The following DMGDH variants were observed in gnomAD, a reference collection of about 807,000 sequenced individuals.
The protein encoded by DMGDH is dimethylglycine dehydrogenase, also known as dimethylglycine dehydrogenase, mitochondrial.
DMGDH carries 76 observed loss-of-function variants against 95.2 expected under a neutral mutation model. The ratio of observed to expected loss-of-function variants is 0.80; its 90% CI spans 0.66 to 0.97. DMGDH has a LOEUF of 0.97. Ranked by LOEUF, DMGDH falls within the 50% of genes least tolerant of loss-of-function variation. The probability of loss-of-function intolerance (pLI) is 0.00; values close to 1 mark genes in which losing one functional copy is unlikely to be tolerated. For synonymous variants in DMGDH, 345 were observed against 377.6 expected, an observed-to-expected ratio of 0.91 and a Z score of 1.00; for missense variants, 987 against 1,055.0, an observed-to-expected ratio of 0.94 and a Z score of 0.89.
chr5:79,027,344 G>C (rs1160254672), intron 12 of DMGDH, among the ~76,000 whole-genome samples: 5 of 152,018 alleles, frequency 3.3e-5, no homozygotes, highest in African/African-American at 4.8e-5. Flanking sequence ...TTTTATTCTA[G>C]AATTTGCCAA....
chr5:79,009,501 A>G (rs1487330456), intron 14 of DMGDH, among the ~76,000 whole-genome samples: 1 of 151,984 alleles, frequency 6.6e-6, no homozygotes, highest in Non-Finnish European at 1.5e-5. Context: ...AGCTGGGACC[A>G]GGCACACACC....
At chr5:79,035,252 C>G (rs1231076128) in intron 7 of DMGDH, among the ~76,000 whole-genome samples, 2 of 152,032 alleles carry the variant, frequency 1.3e-5, no homozygotes, top group Non-Finnish European at 2.9e-5. Context: ...CTTAACCAGG[C>G]CCAATGCCCA....
intron 7 of DMGDH, among the ~76,000 whole-genome samples, chr5:79,036,576 A>G (rs1341953537): frequency 1.3e-5 from 2 of 152,216 alleles, no homozygotes; most frequent in East Asian, 3.8e-4. Context: ...GACAAAACAA[A>G]TGTCCAAAGT....
intron 14 of DMGDH, among the ~76,000 whole-genome samples, chr5:79,010,389 G>C (rs1753629401): frequency 6.6e-6 from 1 of 152,188 alleles, no homozygotes; most frequent in Admixed American, 6.5e-5. Flanking sequence ...TAGAGATTAT[G>C]AAAATACAGT....
intron 11 of DMGDH, 132 bp downstream of exon 11, chr5:79,029,772 A>T: frequency 2.0e-6 from 2 of 979,256 alleles, no homozygotes; most frequent in South Asian, 3.5e-5. Flanking sequence ...AAAAAAATAA[A>T]GTTTATTTGA....
rs200584827 is a variant in DMGDH, at chr5:78,998,250, C to A, written c.2433G>T (p.Lys811Asn). 4 of 1,614,178 alleles carry A rather than the reference C, an allele frequency of 2.5e-6. No homozygotes were observed. The East Asian group carries it at 6.7e-5, about 27-fold the overall frequency. Residue 811 changes from lysine (K) to asparagine (N), a missense_variant, in exon 16 of 16, where the codon AAG (lysine) becomes AAT (asparagine). By Grantham distance (94) the Lys-to-Asn change is moderately conservative. Coordinates refer to ENST00000255189, the MANE Select transcript of DMGDH (RefSeq NM_013391.3). ...TSGSYSYSIQ[K>N]SLAFAYVPVQ... Reference sequence around the variant, plus strand: ...CAGGGACATATGCGAAAGCCAGACTCTTCTGGATGCTGTAGCTATAGCTTC... The same window carrying A: ...CAGGGACATATGCGAAAGCCAGACTATTCTGGATGCTGTAGCTATAGCTTC...
Position 79,038,586 on chromosome 5 carries a change from A to G in DMGDH, c.1193+3697T>C, listed in dbSNP as rs527513140. 1.2e-4 allele frequency among the ~76,000 whole-genome samples: 18 copies of G among 152,320 alleles called. No individual in the cohort carries two copies. In the East Asian group the frequency reaches 3.5e-3, roughly 29 times the overall value. The stretch of plus-strand genomic sequence containing the variant: ...CAACCCATACATCTATGGTCAATTT[A>G]TTTTTTATAAAGATGCTGTGGTATA... On this transcript the variant is annotated intron_variant, in intron 7 of 15. Coordinates refer to ENST00000255189, the MANE Select transcript of DMGDH (RefSeq NM_013391.3).
chr5:79,006,850 C>CACCCCCG (rs1554033740), intron 14 of DMGDH, among the ~76,000 whole-genome samples: 17 of 147,568 alleles, frequency 1.2e-4, no homozygotes, highest in Non-Finnish European at 2.1e-4. Context: ...CTGAGACCCC[C>CACCCCCG]CCAGTCCATT....
At chr5:79,012,152 G>A (rs1033827086) in intron 14 of DMGDH, among the ~76,000 whole-genome samples, 3 of 152,138 alleles carry the variant, frequency 2.0e-5, no homozygotes, top group African/African-American at 7.2e-5. Context: ...AAGATACAAT[G>A]GGGATACAAG....
At chr5:79,065,257 C>T (rs1425358477) in intron 1 of DMGDH, among the ~76,000 whole-genome samples, 1 of 145,918 alleles carries the variant, frequency 6.9e-6, no homozygotes, top group African/African-American at 2.5e-5. Flanking sequence ...CTCACTCTGT[C>T]ACCCAGGCTG....
intron 13 of DMGDH, among the ~76,000 whole-genome samples, chr5:79,025,281 T>A (rs1183481172): frequency 6.6e-6 from 1 of 152,098 alleles, no homozygotes; most frequent in Non-Finnish European, 1.5e-5. Context: ...AATGTCTGAC[T>A]CCCAAAGGGC....
rs138782616 is a variant in DMGDH, at chr5:79,055,688, A to T, written c.375+122T>A. The T allele has an allele frequency of 7.2e-5, 52 of 718,286 alleles. 1 individual carries two copies. The East Asian group carries it at 8.9e-4, about 12-fold the overall frequency. 44.5% of individuals were successfully genotyped at this position (718,286 alleles called of 1,614,324 possible). On this transcript the variant is annotated intron_variant, in intron 3 of 15. Transcript: ENST00000255189. Reference sequence around the variant, plus strand: ...GGTTCTTACCTTAAACTCTCATCATATTCCTCTACTACATTAAGCACTCCA... The same window carrying T: ...GGTTCTTACCTTAAACTCTCATCATTTTCCTCTACTACATTAAGCACTCCA...
rs764014496 is a variant in DMGDH at position 79,029,960 on chromosome 5, T to C, written c.1758A>G (p.Gln586=). 7 of 1,613,932 alleles carry C rather than the reference T, an allele frequency of 4.3e-6. No individual in the cohort carries two copies. Among genetic ancestry groups the C allele is most frequent in the Middle Eastern group, 1.6e-4 (1 of 6,084 alleles). ...TAATTAAAAGAAACTCCCCAGGAGA[T>C]TGGTGAGAAACAGTCAGCTCAGCAT... is the stretch of plus-strand genomic sequence containing the variant. ...RVYAELTVSH[Q]SPGEFLLITG... The change falls in exon 11 of 16, where the codon CAA becomes CAG. Residue 586 remains glutamine, a synonymous_variant. Coordinates refer to ENST00000255189, the MANE Select transcript of DMGDH (RefSeq NM_013391.3).
intron 15 of DMGDH, chr5:79,001,038 C>G: frequency 1.5e-6 from 1 of 686,678 alleles, no homozygotes; most frequent in Admixed American, 2.2e-5. Flanking sequence ...ATCAATGACA[C>G]ACCATTCCTC....
chr5:79,004,302 GC>G (rs1381132100), intron 15 of DMGDH, among the ~76,000 whole-genome samples: 53 of 152,282 alleles, frequency 3.5e-4, no homozygotes, highest in Non-Finnish European at 1.5e-5. Context: ...CCATGCTTTA[GC>G]CCCAAAGGCT....
At chr5:79,032,644 A>T in intron 9 of DMGDH, 43 bp downstream of exon 9, 1 of 1,613,454 alleles carries the variant, frequency 6.2e-7, no homozygotes, top group South Asian at 1.1e-5. Flanking sequence ...CCGTTGTTTC[A>T]CCCCTCGGTC....
chr5:79,046,149 C>T (rs538455089), intron 5 of DMGDH, among the ~76,000 whole-genome samples: 1 of 152,132 alleles, frequency 6.6e-6, no homozygotes, highest in South Asian at 2.1e-4. Flanking sequence ...TGCAGTGGCA[C>T]GATCTTGGCT....
intron 2 of DMGDH, among the ~76,000 whole-genome samples, chr5:79,061,220 AACACACACACAC>A (rs34931005): frequency 0.011 from 1,504 of 141,728 alleles, 21 homozygotes; most frequent in African/African-American, 0.038. Flanking sequence ...CTCTGTCTCA[AACACACACACAC>A]ACACACACAC....
Position 79,020,554 on chromosome 5 carries a change from C to T in DMGDH, c.2250+3717G>A, listed in dbSNP as rs367995828. 124 of 588,342 alleles carry T rather than the reference C, an allele frequency of 2.1e-4. No homozygotes were observed. In the Middle Eastern group the frequency reaches 6.3e-3, roughly 30 times the overall value. 36.4% of individuals were successfully genotyped at this position (588,342 alleles called of 1,614,324 possible). A position where few individuals can be genotyped will look rare whatever the true frequency, so the allele number is the denominator to read the frequency against. Reference sequence around the variant, plus strand: ...GGAAGGCTTGGTACTAAGCGCTTTGCCTCTTTACCAGCTTTTTTGGGTTGT... The same window carrying T: ...GGAAGGCTTGGTACTAAGCGCTTTGTCTCTTTACCAGCTTTTTTGGGTTGT... On this transcript the variant is annotated intron_variant, in intron 14 of 15. Coordinates refer to ENST00000255189, the MANE Select transcript of DMGDH (RefSeq NM_013391.3).
Sources: gnomAD v4.1 joint callset for allele counts (sites outside exome capture counted in the v4.1 genomes callset) on GRCh38, gnomAD v4.1.1 for gene constraint, MANE v1.5 for transcripts, NCBI Gene and HGNC (gene_info 2026-07-23, HGNC 2026-07-21) for gene names.